Variants in ST18 observed in about 807,000 individuals in gnomAD.
ST18 encodes the protein suppression of tumorigenicity 18 protein.
A neutral mutation model predicts 110.0 loss-of-function variants in ST18; 50 were observed. The observed-to-expected ratio is 0.45, with a 90% CI of 0.36 to 0.58. The LOEUF (loss-of-function observed/expected upper bound fraction) is 0.58, where lower values mean the gene tolerates loss of function less well. Among genes scored for constraint, ST18 ranks in the 20% least tolerant of loss-of-function variants. The probability of loss-of-function intolerance (pLI) is 0.00; values close to 1 mark genes in which losing one functional copy is unlikely to be tolerated. For missense variants in ST18, 1,306 were observed against 1,280.1 expected, an observed-to-expected ratio of 1.02 and a Z score of -0.31; for synonymous variants, 461 against 452.4, an observed-to-expected ratio of 1.02 and a Z score of -0.24.
Position 52,161,514 on chromosome 8 carries a change from A to G in ST18, c.1455T>C (p.Ser485=). 14 of 1,614,174 alleles carry G rather than the reference A, an allele frequency of 8.7e-6. No homozygotes were observed. The highest frequency in any genetic ancestry group is 1.3e-5 in the African/African-American group (1 of 75,038). The stretch of plus-strand genomic sequence containing the variant: ...GTTCTTTTGACACTGTGGCTCTGGG[A>G]GAGGTGATGGCTTGTGACGGGAAAT... ...EFNFPSQAIT[S]PRATVSKEQE... Residue 485 remains serine (S), a synonymous_variant, in exon 14 of 26, where the codon TCT becomes TCC. Coordinates refer to ENST00000689386, the MANE Select transcript of ST18 (RefSeq NM_001352837.2).
intron 2 of ST18, among the ~76,000 whole-genome samples, chr8:52,323,560 G>A (rs887257742): frequency 6.6e-6 from 1 of 152,170 alleles, no homozygotes; most frequent in Non-Finnish European, 1.5e-5. Context: ...GGTGTTTAGT[G>A]CCACAGTGAG....
intron 8 of ST18, among the ~76,000 whole-genome samples, chr8:52,185,288 T>C (rs1248329934): frequency 1.3e-5 from 2 of 152,164 alleles, no homozygotes; most frequent in Non-Finnish European, 2.9e-5. Context: ...CCTAAATAAA[T>C]AGAGAGATGC....
At chr8:52,124,168 A>G (rs2046072817) in intron 23 of ST18, among the ~76,000 whole-genome samples, 1 of 144,588 alleles carries the variant, frequency 6.9e-6, no homozygotes, top group Non-Finnish European at 1.5e-5. Context: ...CCTTTGTCTC[A>G]TTTTTGAATT....
chr8:52,290,611 T>G (rs1426710133), intron 2 of ST18, among the ~76,000 whole-genome samples: 1 of 152,004 alleles, frequency 6.6e-6, no homozygotes, highest in Non-Finnish European at 1.5e-5. Context: ...GGATGTTGAG[T>G]CTTCCTTCTC....
intron 14 of ST18, 137 bp from the exon 15 acceptor site, chr8:52,159,246 A>G (rs2060802777): frequency 2.5e-6 from 2 of 808,536 alleles, no homozygotes; most frequent in Non-Finnish European, 3.8e-6. Flanking sequence ...TATCCATGGG[A>G]ACATTAAATG....
chr8:52,160,705 G>C (rs1427721669), intron 14 of ST18, among the ~76,000 whole-genome samples: 1 of 152,152 alleles, frequency 6.6e-6, no homozygotes, highest in East Asian at 1.9e-4. Context: ...GAAGAAATGT[G>C]TAAGAAGAAA....
At chr8:52,316,548 G>A (rs941711998) in intron 2 of ST18, among the ~76,000 whole-genome samples, 3 of 152,150 alleles carry the variant, frequency 2.0e-5, no homozygotes, top group African/African-American at 7.2e-5. Flanking sequence ...TCATTACTTT[G>A]TTATAGTTTT....
chr8:52,136,546 A>C, intron 19 of ST18, 44 bp downstream of exon 19: 1 of 1,568,296 alleles, frequency 6.4e-7, no homozygotes, highest in African/African-American at 1.3e-5. Flanking sequence ...AGAGGGTCCT[A>C]CCGTGTGGAT....
chr8:52,196,427 C>T (rs546571505), intron 8 of ST18, among the ~76,000 whole-genome samples: 4 of 152,284 alleles, frequency 2.6e-5, no homozygotes, highest in South Asian at 2.1e-4. Flanking sequence ...TTTTATTTGG[C>T]GAATGCCTGC....
At chr8:52,143,418 G>T (rs2056053145) in intron 16 of ST18, among the ~76,000 whole-genome samples, 1 of 152,132 alleles carries the variant, frequency 6.6e-6, no homozygotes, top group Non-Finnish European at 1.5e-5. Context: ...CCGGGAAGCG[G>T]GGGTTACAGT....
intron 10 of ST18, among the ~76,000 whole-genome samples, chr8:52,169,133 G>A (rs1435885173): frequency 6.6e-6 from 1 of 152,242 alleles, no homozygotes; most frequent in South Asian, 2.1e-4. Flanking sequence ...CCCTTTGTCT[G>A]TAAGTCCCTC....
intron 22 of ST18, among the ~76,000 whole-genome samples, chr8:52,130,119 A>AAGAAAGAAAGAAAGAAAG (rs1554585622): frequency 1.2e-4 from 13 of 105,164 alleles, no homozygotes; most frequent in African/African-American, 4.9e-4. Context: ...AGAAAGAAAG[A>AAGAAAGAAAGAAAGAAAG]AAAGAAAGAA....
intron 14 of ST18, 146 bp downstream of exon 14, chr8:52,161,229 T>C (rs2061370983): frequency 1.4e-6 from 1 of 713,250 alleles, no homozygotes; most frequent in Non-Finnish European, 2.2e-6. Context: ...GTTTTCTTTA[T>C]GGTATTTCAC....
At chr8:52,116,232 AAAT>A in intron 25 of ST18, 40 bp downstream of exon 25, 1 of 1,596,270 alleles carries the variant, frequency 6.3e-7, no homozygotes, top group Non-Finnish European at 8.5e-7. Context: ...ATGACACTGC[AAAT>A]GCTTGTAATG....
chr8:52,202,934 C>T (rs1407537068), intron 8 of ST18, among the ~76,000 whole-genome samples: 2 of 151,768 alleles, frequency 1.3e-5, no homozygotes, highest in Admixed American at 1.3e-4. Flanking sequence ...AGCAAAAAAC[C>T]CAAATGAAAA....
intron 2 of ST18, among the ~76,000 whole-genome samples, chr8:52,379,098 C>CTT (rs149825559): frequency 7.0e-6 from 1 of 143,128 alleles, no homozygotes; most frequent in Non-Finnish European, 1.5e-5. Flanking sequence ...TATTTCTTTT[C>CTT]TTTCTTTTTT....
At chr8:52,230,545 G>A (rs1462090727) in intron 2 of ST18, among the ~76,000 whole-genome samples, 1 of 152,130 alleles carries the variant, frequency 6.6e-6, no homozygotes, top group Non-Finnish European at 1.5e-5. Flanking sequence ...TGAGTCAGCT[G>A]TTCCTGTCAT....
intron 2 of ST18, among the ~76,000 whole-genome samples, chr8:52,376,759 T>C (rs948855829): frequency 6.6e-6 from 1 of 152,170 alleles, no homozygotes; most frequent in Admixed American, 6.5e-5. Context: ...GAGGACAGGA[T>C]GGGGAAGTCC....
At chr8:52,406,515 G>A (rs1283161190) in intron 2 of ST18, 1 of 152,216 alleles carries the variant, frequency 6.6e-6, no homozygotes. Context: ...AAGAGTTTGG[G>A]GCCCTAGGAA....
Sources: allele counts gnomAD v4.1 joint callset (sites outside exome capture counted in the v4.1 genomes callset), GRCh38; gene constraint gnomAD v4.1.1; transcripts MANE v1.5; gene names NCBI Gene and HGNC (gene_info 2026-07-23, HGNC 2026-07-21).